The following USP4 variants were observed in gnomAD, a reference collection of about 807,000 sequenced individuals.
The protein encoded by USP4 is ubiquitin carboxyl-terminal hydrolase 4.
USP4 carries 72 observed loss-of-function variants against 118.2 expected under a neutral mutation model. The ratio of observed to expected loss-of-function variants is 0.61; its 90% CI spans 0.50 to 0.74. The LOEUF is 0.74. Among genes scored for constraint, USP4 ranks in the 30% least tolerant of loss-of-function variants. The probability of loss-of-function intolerance (pLI) is 0.00; values close to 1 mark genes in which losing one functional copy is unlikely to be tolerated. For missense variants in USP4, 1,037 were observed against 1,185.7 expected, an observed-to-expected ratio of 0.87 and a Z score of 1.84; for synonymous variants, 415 against 440.4, an observed-to-expected ratio of 0.94 and a Z score of 0.72.
Position 49,339,913 on chromosome 3 carries a change from C to G in USP4, c.101+11G>C, listed in dbSNP as rs745432353. The G allele has an allele frequency of 3.1e-6, 5 of 1,610,580 alleles. No homozygotes were observed. In the South Asian group the frequency reaches 4.4e-5, roughly 14 times the overall value. ...GGTTCTGCATAGAGGAAGAGCGAGC[C>G]GGGAGCTCACCACTGCGCCCCGCGT... On this transcript the variant is annotated intron_variant, in intron 1 of 21. Coordinates refer to ENST00000265560, the MANE Select transcript of USP4 (RefSeq NM_003363.4).
At chr3:49,318,556 ACT>A (rs1250400880) in intron 6 of USP4, 45 of 985,346 alleles carry the variant, frequency 4.6e-5, no homozygotes, top group Non-Finnish European at 5.3e-5. Context: ...GGAAGAGAAA[ACT>A]CTGAAAATGC....
intron 9 of USP4, among the ~76,000 whole-genome samples, chr3:49,303,910 G>A (rs1318449507): frequency 1.3e-5 from 2 of 151,990 alleles, no homozygotes; most frequent in South Asian, 2.1e-4. Context: ...ATGCCACCAC[G>A]CCTGGCTAAT....
At chr3:49,304,315 C>T (rs1341849950) in intron 9 of USP4, among the ~76,000 whole-genome samples, 1 of 152,082 alleles carries the variant, frequency 6.6e-6, no homozygotes, top group African/African-American at 2.4e-5. Flanking sequence ...TTTCAGATTT[C>T]AGCTTAAATC....
rs1295913448 is a variant in USP4 at position 49,277,391 on chromosome 3, C to T, written c.*902G>A. ...TTCGAATGGGGGCCCCGGGAAGAGT[C>T]TTGGCAGGGATGAGGAAAGAACCCG... On this transcript the variant is annotated 3_prime_UTR_variant, in exon 22 of 22. Transcript: ENST00000265560. The T allele has an allele frequency of 3.1e-5, 13 of 424,984 alleles. No homozygotes were observed. The highest frequency in any genetic ancestry group is 5.3e-5 in the Non-Finnish European group (13 of 245,856). The allele number at this position is 424,984 out of a possible 1,614,324, so 26.3% of individuals were successfully genotyped here.
chr3:49,289,509 A>G (rs1356229409), intron 15 of USP4, among the ~76,000 whole-genome samples: 1 of 152,174 alleles, frequency 6.6e-6, no homozygotes, highest in Non-Finnish European at 1.5e-5. Context: ...TGCTGGACCT[A>G]TAAACAAAAT....
At chr3:49,326,441 G>C (rs2047556323) in intron 3 of USP4, among the ~76,000 whole-genome samples, 1 of 152,080 alleles carries the variant, frequency 6.6e-6, no homozygotes, top group Admixed American at 6.6e-5. Flanking sequence ...TCCGTCAGCA[G>C]CCTGGAGTGC....
Position 49,280,583 on chromosome 3 carries a change from T to TA in USP4, c.2644+160dup, listed in dbSNP as rs1276346608. Reference sequence around the variant, plus strand: ...TCAAAAAAAAAAAAAAAAAAAGAATTAAAAAAAAACAGAGAGGGGAATCAG... The same window carrying TA: ...TCAAAAAAAAAAAAAAAAAAAGAATTAAAAAAAAAACAGAGAGGGGAATCAG... On this transcript the variant is annotated intron_variant, in intron 20 of 21. Transcript: ENST00000265560. 1.9e-4 allele frequency among the ~76,000 whole-genome samples: 28 copies of TA among 145,512 alleles called. No individual in the cohort carries two copies. In the East Asian group the frequency reaches 2.6e-3, roughly 13 times the overall value.
In USP4 at chr3:49,284,844, C is replaced by G; in HGVS notation, c.2271+5G>C. 2 of 1,613,510 alleles carry G rather than the reference C, an allele frequency of 1.2e-6. No individual in the cohort carries two copies. The highest frequency in any genetic ancestry group is 1.7e-6 in the Non-Finnish European group (2 of 1,179,578). ...ACCACCGACCACGAACCCCGAGGGA[C>G]CTACCTCAGATTCTTGCTCATCATA... On this transcript the variant is annotated splice_donor_5th_base_variant and intron_variant, in intron 17 of 21. Coordinates refer to ENST00000265560, the MANE Select transcript of USP4 (RefSeq NM_003363.4).
chr3:49,295,764 G>C (rs1013792988), intron 13 of USP4, among the ~76,000 whole-genome samples: 1 of 148,856 alleles, frequency 6.7e-6, no homozygotes, highest in African/African-American at 2.6e-5. Context: ...CTAGCAAACA[G>C]TCCTGACTGA....
chr3:49,335,331 T>C, intron 2 of USP4, 138 bp downstream of exon 2: 1 of 1,210,118 alleles, frequency 8.3e-7, no homozygotes, highest in Non-Finnish European at 1.1e-6. Flanking sequence ...CAAAGACTTC[T>C]GCTATAGATG....
chr3:49,301,106 A>G (rs777357374), intron 10 of USP4, among the ~76,000 whole-genome samples: 29 of 151,870 alleles, frequency 1.9e-4, no homozygotes, highest in Non-Finnish European at 4.0e-4. Context: ...TGCCTGGCTA[A>G]TTTTTTTAGG....
At chr3:49,308,738 C>T (rs1365176568) in intron 8 of USP4, among the ~76,000 whole-genome samples, 1 of 151,566 alleles carries the variant, frequency 6.6e-6, no homozygotes, top group Non-Finnish European at 1.5e-5. Context: ...AGGAAATCAC[C>T]ATGTTCTGGC....
At position 49,327,721 on chromosome 3, in the gene USP4, C is replaced by A; in HGVS notation, c.325G>T (p.Gly109Cys). 6.2e-7 allele frequency: 1 copy of A among 1,614,048 alleles called. No individual in the cohort carries two copies. Among genetic ancestry groups the A allele is most frequent in the Non-Finnish European group, 8.5e-7 (1 of 1,179,992 alleles). ...ATGGGTTGCTGGCCTTCTACACAGC[C>A]GTACCAGTTTAGTAGTTTATTCCAC... ...EAWNKLLNWYGCVEGQQPIVR... is the reference protein window; with the variant it reads ...EAWNKLLNWYCCVEGQQPIVR... Residue 109 changes from glycine to cysteine, a missense_variant, in exon 3 of 22, where the codon GGC (glycine) becomes TGC (cysteine). Around this residue, in one of 3 missense-constraint regions of USP4, gnomAD observed 487 missense variants for 534.1 expected, o/e 0.91. Coordinates refer to ENST00000265560, the MANE Select transcript of USP4 (RefSeq NM_003363.4).
In USP4 at chr3:49,332,609, G is replaced by C. The variant is rs2047629666; in HGVS notation, c.229+2860C>G. On this transcript the variant is annotated intron_variant, in intron 2 of 21. Transcript: ENST00000265560. ...CATGCTTGTAATCCCAGCACTTTGA[G>C]AGGCCGAGGCAGGCGGATCACTTAA... 2.0e-5 allele frequency among the ~76,000 whole-genome samples: 3 copies of C among 152,208 alleles called. No individual in the cohort carries two copies. The South Asian group carries it at 6.2e-4, about 32-fold the overall frequency.
intron 9 of USP4, 127 bp from the exon 10 acceptor site, chr3:49,302,669 A>G (rs959460104): frequency 1.1e-6 from 1 of 890,126 alleles, no homozygotes; most frequent in Non-Finnish European, 1.7e-6. Context: ...TTGGTTGAGT[A>G]GTCCAATTAA....
intron 2 of USP4, among the ~76,000 whole-genome samples, chr3:49,334,240 A>G (rs974477483): frequency 1.3e-5 from 2 of 152,222 alleles, no homozygotes; most frequent in African/African-American, 4.8e-5. Context: ...GCAAAGCACA[A>G]TAAGCCAAAG....
chr3:49,278,777 C>A (rs1280588663), intron 21 of USP4, 37 bp downstream of exon 21: 1 of 1,453,888 alleles, frequency 6.9e-7, no homozygotes, highest in Non-Finnish European at 9.5e-7. Flanking sequence ...TAATCCATAA[C>A]GACATGAGGA....
At chr3:49,324,786 TGAG>T (rs2047534487) in intron 5 of USP4, 23 bp from the exon 6 acceptor site, 1 of 1,614,032 alleles carries the variant, frequency 6.2e-7, no homozygotes, top group South Asian at 1.1e-5. Flanking sequence ...GGAAACCAAA[TGAG>T]GAGAGTTCAA....
intron 7 of USP4, among the ~76,000 whole-genome samples, chr3:49,311,196 C>T (rs1466465277): frequency 2.6e-5 from 4 of 152,112 alleles, no homozygotes; most frequent in East Asian, 1.9e-4. Flanking sequence ...CAGCTGAGCA[C>T]TGTCCCTTCA....
Sources: allele counts gnomAD v4.1 joint callset (sites outside exome capture counted in the v4.1 genomes callset), GRCh38; gene constraint gnomAD v4.1.1; regional missense constraint gnomAD v4.1.1; transcripts MANE v1.5; gene names NCBI Gene and HGNC (gene_info 2026-07-23, HGNC 2026-07-21).